Variants in FHIP2A observed in about 807,000 individuals in gnomAD.
FHIP2A encodes the protein FHF complex subunit HOOK interacting protein 2A, also known as family with sequence similarity 160 member B1.
A neutral mutation model predicts 93.5 loss-of-function variants in FHIP2A; 46 were observed. The ratio of observed to expected loss-of-function variants is 0.49; its 90% confidence interval spans 0.39 to 0.63. FHIP2A has a LOEUF of 0.63. Ranked by LOEUF, FHIP2A falls within the 20% of genes least tolerant of loss-of-function variation. The pLI is 0.00. For synonymous variants in FHIP2A, 332 were observed against 326.5 expected (o/e 1.02, Z -0.18); for missense variants, 769 against 909.7 (o/e 0.85, Z 1.99).
chr10:114,857,218 T>C (rs182657294), intron 14 of FHIP2A, among the ~76,000 whole-genome samples: 223 of 152,092 alleles, frequency 1.5e-3, no homozygotes, highest in Non-Finnish European at 1.6e-3. Context: ...AAGCTAAGCA[T>C]TTTTGGCCTA....
chr10:114,838,363 G>A (rs188403069), intron 5 of FHIP2A, among the ~76,000 whole-genome samples: 2 of 152,156 alleles, frequency 1.3e-5, no homozygotes, highest in South Asian at 2.1e-4. Flanking sequence ...GACTACGCAT[G>A]CCCTTAACAC....
chr10:114,827,530 G>T (rs958450859), intron 1 of FHIP2A, among the ~76,000 whole-genome samples: 6 of 152,312 alleles, frequency 3.9e-5, no homozygotes, highest in Admixed American at 3.3e-4. Context: ...GGGCCCGGTG[G>T]CTCACGCCTG....
intron 16 of FHIP2A, among the ~76,000 whole-genome samples, chr10:114,878,879 C>T (rs2083903200): frequency 6.6e-6 from 1 of 151,868 alleles, no homozygotes; most frequent in East Asian, 1.9e-4. Flanking sequence ...TCTTTCTTGG[C>T]TTTTGCATAG....
intron 16 of FHIP2A, among the ~76,000 whole-genome samples, chr10:114,883,336 T>C (rs17794346): frequency 0.24 from 37,113 of 151,986 alleles, 5,509 homozygotes; most frequent in Non-Finnish European, 0.35. Context: ...CCTCTTCTCA[T>C]ATCCACGTGT....
At chr10:114,899,529 T>C (rs1001164461) in exon 17 of FHIP2A, 2 of 718,246 alleles carry the variant, frequency 2.8e-6, no homozygotes, top group African/African-American at 1.7e-5. Flanking sequence ...GATTCCAGAG[T>C]CTCTTATGTC....
chr10:114,836,312 A>C (rs17095662), intron 5 of FHIP2A, 66 bp downstream of exon 5: 586,190 of 1,243,404 alleles, frequency 0.47, 141,129 homozygotes, highest in Non-Finnish European at 0.49. Context: ...AAATTGAATT[A>C]TGTGAATAAT....
At chr10:114,897,688 T>C (rs2084007460) in intron 16 of FHIP2A, among the ~76,000 whole-genome samples, 3 of 152,136 alleles carry the variant, frequency 2.0e-5, no homozygotes, top group African/African-American at 7.2e-5. Context: ...GATGGGCAGA[T>C]TGCTTGAGCC....
intron 13 of FHIP2A, among the ~76,000 whole-genome samples, chr10:114,852,446 C>CA (rs2083742844): frequency 1.3e-5 from 2 of 152,156 alleles, no homozygotes; most frequent in Non-Finnish European, 2.9e-5. Flanking sequence ...GTGGCATATC[C>CA]ATCCTCCTGG....
chr10:114,892,844 T>C (rs2083982570), intron 16 of FHIP2A, among the ~76,000 whole-genome samples: 1 of 152,026 alleles, frequency 6.6e-6, no homozygotes, highest in South Asian at 2.1e-4. Flanking sequence ...TCCAGGAAAA[T>C]TAGATAAAGA....
At position 114,842,975 on chromosome 10, in the gene FHIP2A, A is replaced by G; in HGVS notation, c.565A>G (p.Ile189Val). 6.2e-7 allele frequency: 1 copy of G among 1,610,846 alleles called. No individual in the cohort carries two copies. The highest frequency in any genetic ancestry group is 8.5e-7 in the Non-Finnish European group (1 of 1,177,212). Residue 189 changes from isoleucine (I) to valine (V), a missense_variant, in exon 6 of 17, where the codon ATT (isoleucine) becomes GTT (valine). Physicochemically the swap from Ile to Val is conservative, Grantham distance 29 (BLOSUM62 3). Transcript: ENST00000369248. ...SLASKGVPNV[I>V]SEDTLKGQDS... Reference sequence around the variant, plus strand: ...GGCTTCCAAAGGAGTACCAAATGTAATTTCAGAAGATACATTAAAAGGTCA... The same window carrying G: ...GGCTTCCAAAGGAGTACCAAATGTAGTTTCAGAAGATACATTAAAAGGTCA...
At position 114,821,942 on chromosome 10, in the gene FHIP2A, G is replaced by T. The variant is rs1047134829; in HGVS notation, c.-137G>T. ...AAGCGGCCGGGCCAGGCCCTGCCTC[G>T]ATCCTCAGCTCGTCCTCCCCGCCCC... is the stretch of plus-strand genomic sequence containing the variant. On this transcript the variant is annotated 5_prime_UTR_variant, in exon 1 of 17. Transcript: ENST00000369248. 67 of 418,600 alleles carry T rather than the reference G, an allele frequency of 1.6e-4. No individual in the cohort carries two copies. The highest frequency in any genetic ancestry group is 1.2e-3 in the African/African-American group (56 of 47,158). 25.9% of individuals were successfully genotyped at this position (418,600 alleles called of 1,614,324 possible).
At chr10:114,854,427 G>A (rs1330912042) in intron 13 of FHIP2A, among the ~76,000 whole-genome samples, 1 of 152,092 alleles carries the variant, frequency 6.6e-6, no homozygotes, top group Non-Finnish European at 1.5e-5. Context: ...GGGAGGCGGA[G>A]GTTGTGGTGA....
chr10:114,833,425 G>A (rs1366663345), intron 3 of FHIP2A, 23 bp downstream of exon 3: 1 of 1,606,132 alleles, frequency 6.2e-7, no homozygotes, highest in Non-Finnish European at 8.5e-7. Context: ...TCCACACCAT[G>A]TTCTTGGGCA....
At chr10:114,847,271 GT>G in intron 12 of FHIP2A, 38 bp downstream of exon 12, 1 of 1,566,610 alleles carries the variant, frequency 6.4e-7, no homozygotes, top group Non-Finnish European at 8.7e-7. Flanking sequence ...CATCTCTCTT[GT>G]TTTTTGTTTT....
At chr10:114,898,994 G>A (rs2084014155) in intron 16 of FHIP2A, among the ~76,000 whole-genome samples, 1 of 152,152 alleles carries the variant, frequency 6.6e-6, no homozygotes, top group African/African-American at 2.4e-5. Flanking sequence ...ATACTGACAT[G>A]TGCCCCTGAA....
Position 114,843,776 on chromosome 10 carries a change from G to A in FHIP2A, c.852G>A (p.Leu284=), listed in dbSNP as rs772000542. The change falls in exon 7 of 17, where the codon TTG becomes TTA. Residue 284 remains leucine (L), a synonymous_variant. Transcript: ENST00000369248. ...TAGCTGTGAAGGCATGTGAAGGCTT[G>A]ATGCTGTTAGTAAGTTTGCCAGAGC... The part of the protein sequence containing the change: ...GRIAVKACEG[L]MLLVSLPEPA... 6.3e-7 allele frequency: 1 copy of A among 1,575,620 alleles called. No homozygotes were observed. Among genetic ancestry groups the A allele is most frequent in the Non-Finnish European group, 8.6e-7 (1 of 1,168,002 alleles).
intron 5 of FHIP2A, among the ~76,000 whole-genome samples, chr10:114,841,835 G>A (rs2083670658): frequency 1.3e-5 from 2 of 152,104 alleles, no homozygotes; most frequent in South Asian, 4.1e-4. Flanking sequence ...TTAGTTTATG[G>A]TGAATTTTAA....
chr10:114,829,513 G>A (rs1311982382), intron 1 of FHIP2A, among the ~76,000 whole-genome samples: 1 of 152,228 alleles, frequency 6.6e-6, no homozygotes, highest in Non-Finnish European at 1.5e-5. Context: ...AAAGATAACT[G>A]GAGGTCACTT....
intron 1 of FHIP2A, among the ~76,000 whole-genome samples, chr10:114,826,951 G>A (rs953710410): frequency 3.9e-5 from 6 of 152,138 alleles, no homozygotes; most frequent in African/African-American, 1.4e-4. Flanking sequence ...CCGAGATCAC[G>A]CCATTGCACT....
Sources: allele counts gnomAD v4.1 joint callset (sites outside exome capture counted in the v4.1 genomes callset), GRCh38; gene constraint gnomAD v4.1.1; transcripts MANE v1.5; gene names NCBI Gene and HGNC (gene_info 2026-07-23, HGNC 2026-07-21).